The following TSPAN18 variants were observed in gnomAD, a reference collection of about 807,000 sequenced individuals.
TSPAN18 encodes the protein tetraspanin 18, also known as tetraspanin-18.
A neutral mutation model predicts 27.3 loss-of-function variants in TSPAN18; 14 were observed. The observed-to-expected ratio is 0.51, with a 90% CI of 0.34 to 0.80. TSPAN18 has a LOEUF of 0.80. TSPAN18 is among the 30% of genes least tolerant of loss of function. The pLI is 0.01. For missense variants in TSPAN18, 268 were observed against 323.9 expected (o/e 0.83, Z 1.32); for synonymous variants, 143 against 136.5 (o/e 1.05, Z -0.33).
At chr11:44,901,670 C>G (rs747016809) in intron 3 of TSPAN18, among the ~76,000 whole-genome samples, 5 of 152,268 alleles carry the variant, frequency 3.3e-5, no homozygotes, top group Admixed American at 2.6e-4. Flanking sequence ...CAGTGACTTA[C>G]AGAGCAGAAG....
At chr11:44,829,433 T>C (rs531526871) in intron 2 of TSPAN18, among the ~76,000 whole-genome samples, 24 of 152,380 alleles carry the variant, frequency 1.6e-4, no homozygotes, top group African/African-American at 5.8e-4. Flanking sequence ...ATTGGAATTA[T>C]ACAGTATGTA....
At position 44,790,331 on chromosome 11, in the gene TSPAN18, G is replaced by A. The variant is rs748404743; in HGVS notation, c.-153+25819G>A. 3.5e-4 allele frequency among the ~76,000 whole-genome samples: 53 copies of A among 150,208 alleles called. 1 individual carries two copies. Among genetic ancestry groups the A allele is most frequent in the African/African-American group, 8.6e-4 (35 of 40,894 alleles). On this transcript the variant is annotated intron_variant, in intron 2 of 9. Coordinates refer to ENST00000520358, the MANE Select transcript of TSPAN18 (RefSeq NM_130783.5). ...CATGTGTTTGTGCATGCTTGTGCAC[G>A]CATGTGTGCATGTGTTGGTGTGTGT... is the stretch of plus-strand genomic sequence containing the variant.
At chr11:44,811,984 G>T (rs1470606855) in intron 2 of TSPAN18, among the ~76,000 whole-genome samples, 1 of 152,190 alleles carries the variant, frequency 6.6e-6, no homozygotes, top group African/African-American at 2.4e-5. Context: ...GAGTGGGCAG[G>T]GCTGGCAATG....
chr11:44,787,049 C>T (rs2134969019), intron 2 of TSPAN18, among the ~76,000 whole-genome samples: 1 of 152,292 alleles, frequency 6.6e-6, no homozygotes, highest in Middle Eastern at 3.4e-3. Flanking sequence ...GGAAGGCATA[C>T]ATATGATGCT....
At chr11:44,846,486 T>G (rs1450971407) in intron 2 of TSPAN18, among the ~76,000 whole-genome samples, 1 of 152,198 alleles carries the variant, frequency 6.6e-6, no homozygotes, top group African/African-American at 2.4e-5. Context: ...AACCTGGTCA[T>G]GGGGACACCT....
chr11:44,828,796 C>A (rs1391755742), intron 2 of TSPAN18, among the ~76,000 whole-genome samples: 5 of 152,168 alleles, frequency 3.3e-5, no homozygotes, highest in Non-Finnish European at 5.9e-5. Flanking sequence ...CCCTGACTCT[C>A]CCCCTGCTTC....
chr11:44,909,539 G>C (rs1447503298), intron 4 of TSPAN18, 166 bp from the exon 5 acceptor site: 4 of 618,170 alleles, frequency 6.5e-6, no homozygotes, highest in African/African-American at 5.5e-5. Context: ...GCAATTCAAG[G>C]TGCGGCTGGG....
chr11:44,917,092 G>T (rs11038211), intron 5 of TSPAN18, among the ~76,000 whole-genome samples: 2,969 of 152,304 alleles, frequency 0.019, 116 homozygotes, highest in East Asian at 0.14. Flanking sequence ...ATCCAAGCAG[G>T]CAGCGCGCTG....
intron 5 of TSPAN18, among the ~76,000 whole-genome samples, chr11:44,916,172 C>T (rs1175546807): frequency 6.6e-6 from 1 of 152,170 alleles, no homozygotes; most frequent in Non-Finnish European, 1.5e-5. Flanking sequence ...CTATACTCCT[C>T]CCGAGGCGCT....
intron 3 of TSPAN18, among the ~76,000 whole-genome samples, chr11:44,893,984 C>A (rs1858945975): frequency 6.6e-6 from 1 of 152,192 alleles, no homozygotes; most frequent in Admixed American, 6.5e-5. Context: ...CAAGTAGGGA[C>A]TGCGGTGATT....
intron 2 of TSPAN18, among the ~76,000 whole-genome samples, chr11:44,855,944 G>A (rs1428915139): frequency 5.3e-5 from 8 of 151,912 alleles, no homozygotes; most frequent in African/African-American, 1.5e-4. Context: ...GTGCAGTGGT[G>A]TGATCTCGGC....
intron 3 of TSPAN18, among the ~76,000 whole-genome samples, chr11:44,888,391 T>C (rs2135275921): frequency 6.6e-6 from 1 of 152,260 alleles, no homozygotes; most frequent in African/African-American, 2.4e-5. Flanking sequence ...CTGGCACACG[T>C]GAAGCAGGAG....
intron 2 of TSPAN18, among the ~76,000 whole-genome samples, chr11:44,845,364 G>C (rs541321177): frequency 2.0e-5 from 3 of 152,158 alleles, no homozygotes; most frequent in Admixed American, 1.3e-4. Flanking sequence ...GTGATACTGC[G>C]TGCAAAGTGC....
At chr11:44,735,829 G>A (rs2134805719) in intron 1 of TSPAN18, among the ~76,000 whole-genome samples, 1 of 152,244 alleles carries the variant, frequency 6.6e-6, no homozygotes, top group East Asian at 1.9e-4. Context: ...GTGTTAGCCA[G>A]GATGGTCTCG....
chr11:44,860,858 G>A (rs994629962), intron 3 of TSPAN18, among the ~76,000 whole-genome samples: 3 of 152,212 alleles, frequency 2.0e-5, no homozygotes, highest in African/African-American at 7.2e-5. Flanking sequence ...TGCAGTGGGT[G>A]GTGAGAGGGC....
chr11:44,830,964 C>T (rs753918708), intron 2 of TSPAN18, among the ~76,000 whole-genome samples: 11 of 152,244 alleles, frequency 7.2e-5, no homozygotes, highest in Non-Finnish European at 1.3e-4. Context: ...TGCCACTGTG[C>T]CGGCCGGGCA....
chr11:44,880,139 G>T (rs891941208), intron 3 of TSPAN18, among the ~76,000 whole-genome samples: 1 of 152,214 alleles, frequency 6.6e-6, no homozygotes, highest in African/African-American at 2.4e-5. Context: ...CACAGTCAAA[G>T]ACCAACCCAA....
intron 3 of TSPAN18, among the ~76,000 whole-genome samples, chr11:44,884,989 TG>T (rs1292334374): frequency 6.6e-6 from 1 of 152,196 alleles, no homozygotes; most frequent in African/African-American, 2.4e-5. Context: ...AGTGTTAATT[TG>T]TAACTAAAGT....
At chr11:44,768,645 C>T (rs1236308475) in intron 2 of TSPAN18, among the ~76,000 whole-genome samples, 1 of 152,114 alleles carries the variant, frequency 6.6e-6, no homozygotes, top group Non-Finnish European at 1.5e-5. Flanking sequence ...GGAGAAGGGA[C>T]ATCCTTGCCT....
Sources: gnomAD v4.1 joint callset for allele counts (sites outside exome capture counted in the v4.1 genomes callset) on GRCh38, gnomAD v4.1.1 for gene constraint, MANE v1.5 for transcripts, NCBI Gene and HGNC (gene_info 2026-07-23, HGNC 2026-07-21) for gene names.